Variants in PSMB2 observed in about 807,000 individuals in gnomAD.
PSMB2 encodes proteasome 20S subunit beta 2, also known as proteasome subunit beta type-2.
Under a neutral mutation model 25.7 loss-of-function variants are expected in PSMB2, and 13 were observed. That is an observed-to-expected ratio of 0.51 (90% CI 0.33 to 0.80). PSMB2 has a LOEUF of 0.80. Among genes scored for constraint, PSMB2 ranks in the 30% least tolerant of loss-of-function variants. The pLI is 0.02. For synonymous variants in PSMB2, 87 were observed against 96.2 expected, an observed-to-expected ratio of 0.90 and a Z score of 0.56; for missense variants, 202 against 259.0, an observed-to-expected ratio of 0.78 and a Z score of 1.51.
At chr1:35,608,182 TG>T (rs1210443571) in intron 4 of PSMB2, among the ~76,000 whole-genome samples, 3 of 151,994 alleles carry the variant, frequency 2.0e-5, no homozygotes, top group African/African-American at 7.2e-5. Context: ...CTGGCCAACA[TG>T]GTGAAACCCC....
intron 1 of PSMB2, among the ~76,000 whole-genome samples, chr1:35,638,724 A>T (rs1034918378): frequency 4.6e-5 from 7 of 152,112 alleles, no homozygotes; most frequent in African/African-American, 1.2e-4. Flanking sequence ...GAGAAAAGAG[A>T]CATGAAATGC....
Position 35,602,023 on chromosome 1 carries a change from C to A in PSMB2, c.*1244G>T. On this transcript the variant is annotated 3_prime_UTR_variant, in exon 6 of 6. Coordinates refer to ENST00000373237, the MANE Select transcript of PSMB2 (RefSeq NM_002794.5). ...CTAATATAGTGTTAAGTGAAATAAG[C>A]AATATGCAGAACTTAAAAATACTTT... 1 of 749,492 alleles carries A rather than the reference C, an allele frequency of 1.3e-6. No individual in the cohort carries two copies. Among genetic ancestry groups the A allele is most frequent in the Non-Finnish European group, 1.6e-6 (1 of 614,982 alleles). 46.4% of individuals were successfully genotyped at this position (749,492 alleles called of 1,614,324 possible).
At position 35,601,680 on chromosome 1, in the gene PSMB2, TATG is replaced by T; in HGVS notation, c.*1584_*1586del. The T allele has an allele frequency of 3.0e-6, 3 of 985,394 alleles. No individual in the cohort carries two copies. Among genetic ancestry groups the T allele is most frequent in the Non-Finnish European group, 3.6e-6 (3 of 829,888 alleles). 61.0% of individuals were successfully genotyped at this position (985,394 alleles called of 1,614,324 possible). A position where few individuals can be genotyped will look rare whatever the true frequency, so the allele number is the denominator to read the frequency against. ...CAGACAAAACAAAAACCTATCTGTA[TATG>T]ATATTAAGAGGAGCACAGAATTGGA... is the stretch of plus-strand genomic sequence containing the variant. On this transcript the variant is annotated 3_prime_UTR_variant, in exon 6 of 6. Transcript: ENST00000373237.
chr1:35,640,608 AC>A (rs1223691971), intron 1 of PSMB2, among the ~76,000 whole-genome samples: 4 of 151,738 alleles, frequency 2.6e-5, no homozygotes, highest in African/African-American at 9.7e-5. Flanking sequence ...CCGCCAACAA[AC>A]TAACCTCATT....
At chr1:35,640,043 T>C (rs1414699185) in intron 1 of PSMB2, among the ~76,000 whole-genome samples, 2 of 148,078 alleles carry the variant, frequency 1.4e-5, no homozygotes, top group Non-Finnish European at 3.0e-5. Flanking sequence ...CCAGACATTT[T>C]GCCCCTAAGT....
chr1:35,639,089 A>G (rs374005702), intron 1 of PSMB2, among the ~76,000 whole-genome samples: 3 of 152,242 alleles, frequency 2.0e-5, no homozygotes, highest in East Asian at 3.9e-4. Context: ...CCCCGTTTCT[A>G]CTAAAAATAC....
chr1:35,603,204 A>G lies in PSMB2; in HGVS notation c.*63T>C. 1 of 1,578,530 alleles carries G rather than the reference A, an allele frequency of 6.3e-7. No homozygotes were observed. Among genetic ancestry groups the G allele is most frequent in the Non-Finnish European group, 8.6e-7 (1 of 1,167,840 alleles). ...TATCAAGAGTGCGCCTGAAAAGAGT[A>G]GAAAAAAATAAAGGAGCCCATCAAA... On this transcript the variant is annotated 3_prime_UTR_variant, in exon 6 of 6. Transcript: ENST00000373237.
At chr1:35,606,292 A>G (rs1650167318) in intron 4 of PSMB2, among the ~76,000 whole-genome samples, 1 of 152,198 alleles carries the variant, frequency 6.6e-6, no homozygotes, top group South Asian at 2.1e-4. Context: ...GATCTTCTAT[A>G]TAGAAAAACC....
At chr1:35,631,565 C>T in intron 2 of PSMB2, 2 of 1,278,132 alleles carry the variant, frequency 1.6e-6, no homozygotes, top group Non-Finnish European at 2.0e-6. Context: ...ACAAACAGAA[C>T]CAGTTCTATA....
At chr1:35,615,263 T>G (rs977097306) in intron 3 of PSMB2, among the ~76,000 whole-genome samples, 6 of 152,256 alleles carry the variant, frequency 3.9e-5, no homozygotes, top group African/African-American at 1.4e-4. Context: ...ACATCTCTTA[T>G]GTACTTCTTT....
chr1:35,639,540 T>G (rs974698045), intron 1 of PSMB2, among the ~76,000 whole-genome samples: 3 of 152,220 alleles, frequency 2.0e-5, no homozygotes, highest in Admixed American at 1.3e-4. Context: ...CAGCATTTAT[T>G]TCCTTGTTTT....
chr1:35,624,058 C>G (rs1650776014), intron 3 of PSMB2, among the ~76,000 whole-genome samples: 1 of 152,136 alleles, frequency 6.6e-6, no homozygotes, highest in Non-Finnish European at 1.5e-5. Context: ...CTACTACTAA[C>G]CAGACCAAAC....
intron 3 of PSMB2, among the ~76,000 whole-genome samples, chr1:35,616,433 G>A (rs892931364): frequency 2.6e-5 from 4 of 152,080 alleles, no homozygotes; most frequent in African/African-American, 9.7e-5. Context: ...TTGCTATTTT[G>A]CCCAAGCAAG....
At chr1:35,636,668 T>C (rs1280796727) in intron 1 of PSMB2, among the ~76,000 whole-genome samples, 1 of 152,084 alleles carries the variant, frequency 6.6e-6, no homozygotes, top group East Asian at 1.9e-4. Flanking sequence ...CCCTAAACAA[T>C]ATGGTATAAC....
Position 35,601,588 on chromosome 1 carries a change from G to A in PSMB2, c.*1679C>T, listed in dbSNP as rs1468183679. 4.1e-6 allele frequency: 4 copies of A among 984,916 alleles called. No individual in the cohort carries two copies. Among genetic ancestry groups the A allele is most frequent in the African/African-American group, 1.7e-5 (1 of 57,178 alleles). 61.0% of individuals were successfully genotyped at this position (984,916 alleles called of 1,614,324 possible). ...AGTGTATAAGACACCCAAATCTAAT[G>A]TTAACCCAATACTTTAATATGAACG... On this transcript the variant is annotated 3_prime_UTR_variant, in exon 6 of 6. Coordinates refer to ENST00000373237, the MANE Select transcript of PSMB2 (RefSeq NM_002794.5).
rs1286739091 is a variant in PSMB2 at position 35,601,904 on chromosome 1, C to G, written c.*1363G>C. On this transcript the variant is annotated 3_prime_UTR_variant, in exon 6 of 6. Coordinates refer to ENST00000373237, the MANE Select transcript of PSMB2 (RefSeq NM_002794.5). ...GTTATGCTAAGAGTAAAACGAGTAA[C>G]TGGTTAACTGCCCATGATACATCAA... 4.1e-6 allele frequency: 4 copies of G among 985,300 alleles called. No individual in the cohort carries two copies. Among genetic ancestry groups the G allele is most frequent in the Non-Finnish European group, 4.8e-6 (4 of 829,918 alleles). 61.0% of individuals were successfully genotyped at this position (985,300 alleles called of 1,614,324 possible).
intron 3 of PSMB2, among the ~76,000 whole-genome samples, chr1:35,628,786 G>C (rs1339015050): frequency 6.6e-6 from 1 of 150,954 alleles, no homozygotes; most frequent in Non-Finnish European, 1.5e-5. Flanking sequence ...GTCAAAGCTA[G>C]CACTGAGAGG....
chr1:35,612,390 AAACTCTGGAAG>A (rs1650368771), intron 3 of PSMB2, among the ~76,000 whole-genome samples: 1 of 152,214 alleles, frequency 6.6e-6, no homozygotes, highest in Non-Finnish European at 1.5e-5. Flanking sequence ...AAAACAACCC[AAACTCTGGAAG>A]AAAAGATGCT....
intron 3 of PSMB2, among the ~76,000 whole-genome samples, chr1:35,628,597 ATATATATATATATATATATATATAT>A (rs1650970103): frequency 4.6e-5 from 1 of 21,576 alleles, no homozygotes; most frequent in Non-Finnish European, 8.4e-5. Flanking sequence ...AAAAAAAAAA[ATATATATATATATATATATATATAT>A]ATATATATAT....
Sources: gnomAD v4.1 joint callset for allele counts (sites outside exome capture counted in the v4.1 genomes callset) on GRCh38, gnomAD v4.1.1 for gene constraint, MANE v1.5 for transcripts, NCBI Gene and HGNC (gene_info 2026-07-23, HGNC 2026-07-21) for gene names.